ECT2: variants seen among roughly 807,000 people sequenced by gnomAD.
ECT2 encodes the protein epithelial cell transforming 2.
ECT2 carries 61 observed loss-of-function variants against 116.9 expected under a neutral mutation model. That is an observed-to-expected ratio of 0.52 (90% CI 0.42 to 0.65). ECT2 has a LOEUF of 0.65. ECT2 is among the 30% of genes least tolerant of loss of function. The pLI, the probability that ECT2 is intolerant of heterozygous loss-of-function variation, is 0.00. For synonymous variants in ECT2, 358 were observed against 346.4 expected (o/e 1.03, Z -0.37); for missense variants, 937 against 1,078.7 (o/e 0.87, Z 1.84).
At chr3:172,774,105 C>G in intron 14 of ECT2, 83 bp downstream of exon 14, 2 of 1,389,844 alleles carry the variant, frequency 1.4e-6, no homozygotes, top group Non-Finnish European at 2.0e-6. Flanking sequence ...TTCTGGTTAG[C>G]TAAATAAGTT....
rs1374915765 is a variant in ECT2 at position 172,758,998 on chromosome 3, C to G, written c.505C>G (p.Arg169Gly). The G allele has an allele frequency of 6.2e-7, 1 of 1,609,612 alleles. No homozygotes were observed. Among genetic ancestry groups the G allele is most frequent in the East Asian group, 2.2e-5 (1 of 44,710 alleles). ...CCTTCAGCCTTTGCCATTTTCATGT[C>G]GCCCGTTGTATTGTACAAGTATGAT... is the stretch of plus-strand genomic sequence containing the variant. ...QKGEPLPFSC[R>G]PLYCTSMMNL... The change falls in exon 6 of 25, where the codon CGC (arginine) becomes GGC (glycine). Residue 169 changes from arginine to glycine, a missense_variant. Transcript: ENST00000392692.
intron 18 of ECT2, among the ~76,000 whole-genome samples, chr3:172,788,749 T>G (rs1287786603): frequency 1.3e-5 from 2 of 152,222 alleles, no homozygotes; most frequent in Admixed American, 1.3e-4. Flanking sequence ...CATATCTTAA[T>G]GAAAAATTAT....
chr3:172,812,768 C>T (rs1729002311), intron 22 of ECT2, among the ~76,000 whole-genome samples: 1 of 151,976 alleles, frequency 6.6e-6, no homozygotes, highest in South Asian at 2.1e-4. Flanking sequence ...GCCTCTATAT[C>T]TTATGGACAT....
At chr3:172,780,986 CA>C (rs1722599515) in intron 14 of ECT2, among the ~76,000 whole-genome samples, 2 of 152,164 alleles carry the variant, frequency 1.3e-5, no homozygotes, top group South Asian at 4.2e-4. Context: ...TCAATGTATT[CA>C]TTTTTTCTGT....
chr3:172,759,484 C>A (rs990848774), intron 6 of ECT2, among the ~76,000 whole-genome samples: 2 of 152,114 alleles, frequency 1.3e-5, no homozygotes, highest in African/African-American at 4.8e-5. Context: ...CTCTGTCACC[C>A]AGGCTGGAGT....
At chr3:172,825,822 A>C, downstream of ECT2, among the ~76,000 whole-genome samples, 1 of 152,250 alleles carries the variant, frequency 6.6e-6, no homozygotes, top group East Asian at 1.9e-4. Flanking sequence ...ATAACTGAAG[A>C]AGGTGGCTAT....
chr3:172,785,232 A>G (rs1723405109), intron 17 of ECT2, among the ~76,000 whole-genome samples: 1 of 152,156 alleles, frequency 6.6e-6, no homozygotes, highest in South Asian at 2.1e-4. Flanking sequence ...ATTGTTCAGA[A>G]TACTCTTGAA....
At chr3:172,787,435 G>A (rs1723809989) in intron 18 of ECT2, among the ~76,000 whole-genome samples, 1 of 152,090 alleles carries the variant, frequency 6.6e-6, no homozygotes, top group African/African-American at 2.4e-5. Context: ...TATGTAAATA[G>A]GTGTCCCAAG....
chr3:172,760,041 C>A, intron 6 of ECT2, 115 bp from the exon 7 acceptor site: 1 of 553,464 alleles, frequency 1.8e-6, no homozygotes, highest in South Asian at 4.3e-5. Context: ...ATAAAAATCC[C>A]GTATGTATTT....
At chr3:172,827,538 T>C in the ECT2 span, among the ~76,000 whole-genome samples, 511 of 152,282 alleles carry the variant, frequency 3.4e-3, 3 homozygotes, top group Middle Eastern at 0.017. Flanking sequence ...AAGGCTAATA[T>C]TGCATGTTCT....
At chr3:172,759,454 T>G (rs927410140) in intron 6 of ECT2, among the ~76,000 whole-genome samples, 19 of 152,100 alleles carry the variant, frequency 1.2e-4, no homozygotes, top group Admixed American at 1.2e-3. Context: ...TTTATTTTAT[T>G]TTTTTTGAGA....
chr3:172,810,531 G>C (rs1198571299), intron 22 of ECT2, among the ~76,000 whole-genome samples: 1 of 152,130 alleles, frequency 6.6e-6, no homozygotes, highest in Non-Finnish European at 1.5e-5. Context: ...GGCATACCTA[G>C]TAAGTTGTTA....
chr3:172,762,330 G>A, intron 8 of ECT2, 86 bp from the exon 9 acceptor site: 1 of 1,378,760 alleles, frequency 7.3e-7, no homozygotes. Context: ...CCAAGACCTT[G>A]AAAATTACTG....
At position 172,755,450 on chromosome 3, in the gene ECT2, T is replaced by C. The variant is rs1042357506; in HGVS notation, c.211-33T>C. On this transcript the variant is annotated intron_variant, in intron 3 of 24. Coordinates refer to ENST00000392692, the MANE Select transcript of ECT2 (RefSeq NM_001258315.2). ...CAGTGTGTAAATAGTTTCATAGCTTTCTTAACCTCATACTTAAGTCTCTTT... is the reference window on the plus strand; with the variant it reads ...CAGTGTGTAAATAGTTTCATAGCTTCCTTAACCTCATACTTAAGTCTCTTT... 19 of 1,509,512 alleles carry C rather than the reference T, an allele frequency of 1.3e-5. No individual in the cohort carries two copies. In the African/African-American group the frequency reaches 1.8e-4, roughly 15 times the overall value. 93.5% of individuals were successfully genotyped at this position (1,509,512 alleles called of 1,614,324 possible).
intron 24 of ECT2, chr3:172,818,798 G>A (rs1191425516): frequency 5.6e-6 from 7 of 1,242,282 alleles, no homozygotes; most frequent in Admixed American, 2.7e-5. Context: ...ATGGAAACAA[G>A]CCTCATGAAG....
intron 22 of ECT2, among the ~76,000 whole-genome samples, chr3:172,809,306 A>G (rs965093745): frequency 2.0e-5 from 3 of 152,132 alleles, no homozygotes; most frequent in Non-Finnish European, 2.9e-5. Context: ...TAGTACTAGA[A>G]CTGAAATATA....
Position 172,816,787 on chromosome 3 carries a change from A to G in ECT2, c.2605A>G (p.Ser869Gly). 1.2e-6 allele frequency: 2 copies of G among 1,610,112 alleles called. No individual in the cohort carries two copies. The highest frequency in any genetic ancestry group is 2.2e-5 in the East Asian group (1 of 44,826). ...CTCAGTGGAGGGAAGAAGTCCTTCC[A>G]GCAATGATAAGCATGTAATGAGTCG... Reference protein sequence around the residue: ...HGSVEGRSPSSNDKHVMSRLS... With the variant: ...HGSVEGRSPSGNDKHVMSRLS... The change falls in exon 24 of 25, where the codon AGC becomes GGC. Residue 869 changes from serine to glycine, a missense_variant. Ser to Gly is a moderately conservative substitution (Grantham distance 56). Coordinates refer to ENST00000392692, the MANE Select transcript of ECT2 (RefSeq NM_001258315.2).
Position 172,784,790 on chromosome 3 carries a change from AT to A in ECT2, c.1814del (p.Leu605TyrfsTer3). 1 of 1,601,128 alleles carries A rather than the reference AT, an allele frequency of 6.2e-7. No individual in the cohort carries two copies. The highest frequency in any genetic ancestry group is 8.6e-7 in the Non-Finnish European group (1 of 1,169,486). ...CAGTACAGAGGTTACCCAGTGTTGCATTACTTTTAAATGGTACTTGTCTGAT... is the reference window on the plus strand; with the variant it reads ...CAGTACAGAGGTTACCCAGTGTTGCATACTTTTAAATGGTACTTGTCTGAT... ...RPVQRLPSVA[L>X]LLNDLKKHTA... is the part of the protein sequence containing the mutation. On this transcript the variant is annotated frameshift_variant, in exon 17 of 25. Coordinates refer to ENST00000392692, the MANE Select transcript of ECT2 (RefSeq NM_001258315.2). LOFTEE classifies it high-confidence loss of function.
intron 18 of ECT2, among the ~76,000 whole-genome samples, chr3:172,792,798 A>G (rs1011945615): frequency 2.0e-5 from 3 of 151,878 alleles, no homozygotes; most frequent in African/African-American, 7.3e-5. Context: ...GCTCACTATA[A>G]CCTCCACCTC....
Sources: gnomAD v4.1 joint callset for allele counts (sites outside exome capture counted in the v4.1 genomes callset) on GRCh38, gnomAD v4.1.1 for gene constraint, MANE v1.5 for transcripts, NCBI Gene and HGNC (gene_info 2026-07-23, HGNC 2026-07-21) for gene names.